Variants in ZNF185 observed in about 807,000 individuals in gnomAD.
ZNF185 encodes the protein zinc finger protein 185.
In ZNF185, 56 loss-of-function variants were observed where a neutral mutation model predicts 58.6. The ratio of observed to expected loss-of-function variants is 0.95; its 90% CI spans 0.77 to 1.19. The LOEUF (loss-of-function observed/expected upper bound fraction) is 1.19. Among genes scored for constraint, ZNF185 ranks in the 50% most tolerant of loss-of-function variants. The pLI is 0.00. For synonymous variants in ZNF185, 230 were observed against 215.9 expected (o/e 1.07, Z -0.57); for missense variants, 627 against 573.5 (o/e 1.09, Z -0.95).
chrX:152,969,526 C>T (rs1156768848), intron 21 of ZNF185, 42 bp downstream of exon 23: 1 of 1,044,414 alleles, frequency 9.6e-7, no homozygotes, highest in Non-Finnish European at 1.3e-6. Flanking sequence ...GGCGGTAACT[C>T]CTGATCACGT....
intron 17 of ZNF185, among the ~76,000 whole-genome samples, chrX:152,963,326 C>T (rs1430409436): frequency 1.8e-5 from 2 of 112,954 alleles, no homozygotes; most frequent in African/African-American, 3.2e-5. Context: ...GTCAGTTTCC[C>T]GCCTCTGCTG....
chrX:152,904,641 G>A, the ZNF185 span, among the ~76,000 whole-genome samples: 2 of 112,520 alleles, frequency 1.8e-5, no homozygotes, highest in Admixed American at 1.9e-4. Context: ...GAGAAAGGAC[G>A]GGGTGAGGGC....
chrX:152,954,030 C>T (rs918424529), intron 16 of ZNF185, among the ~76,000 whole-genome samples: 1 of 111,710 alleles, frequency 9.0e-6, no homozygotes, highest in Non-Finnish European at 1.9e-5. Flanking sequence ...TGTGAGCCAC[C>T]GTGCCCGACC....
intron 16 of ZNF185, among the ~76,000 whole-genome samples, chrX:152,950,168 T>G (rs1191980703): frequency 8.9e-6 from 1 of 112,422 alleles, no homozygotes; most frequent in African/African-American, 3.2e-5. Context: ...GGAATACTTG[T>G]TCTAACAAAA....
At chrX:152,927,360 C>G (rs1941057484) in intron 11 of ZNF185, among the ~76,000 whole-genome samples, 1 of 111,462 alleles carries the variant, frequency 9.0e-6, no homozygotes, top group African/African-American at 3.3e-5. Context: ...TTTGAGCACT[C>G]CAGGCCCTGG....
At chrX:152,963,842 G>T (rs782661285) in exon 18 of ZNF185, 1 of 1,209,859 alleles carries the variant, frequency 8.3e-7, no homozygotes, top group Non-Finnish European at 1.1e-6. Context: ...CTTTCAGGGT[G>T]AGGAGCCCCT....
chrX:152,963,703 T>G, intron 17 of ZNF185, 136 bp from the exon 20 acceptor site: 1 of 498,699 alleles, frequency 2.0e-6, no homozygotes, highest in Non-Finnish European at 3.2e-6. Flanking sequence ...ATCTGTAAAG[T>G]GAGAAGTTCC....
At chrX:152,907,626 C>G in the ZNF185 span, among the ~76,000 whole-genome samples, 3 of 113,171 alleles carry the variant, frequency 2.7e-5, no homozygotes, top group Admixed American at 9.3e-5. Flanking sequence ...TGCCTGGTGT[C>G]TGAGGTGGCC....
intron 15 of ZNF185, among the ~76,000 whole-genome samples, chrX:152,942,533 G>C (rs1466076352): frequency 1.8e-5 from 2 of 112,301 alleles, no homozygotes; most frequent in African/African-American, 6.5e-5. Flanking sequence ...CAGCACCAGA[G>C]GAATATCTCC....
chrX:152,949,734 G>A (rs1435637369), intron 16 of ZNF185, among the ~76,000 whole-genome samples: 2 of 111,840 alleles, frequency 1.8e-5, no homozygotes, highest in African/African-American at 3.3e-5. Context: ...AGAGATGTAG[G>A]CAACGATAGT....
At chrX:152,942,715 G>A (rs12556921) in intron 15 of ZNF185, among the ~76,000 whole-genome samples, 26,068 of 111,033 alleles carry the variant, frequency 0.23, 2,315 homozygotes, top group South Asian at 0.39. Flanking sequence ...TGGGCTTCTC[G>A]TTTATATTTT....
intron 20 of ZNF185, among the ~76,000 whole-genome samples, chrX:152,967,883 T>C (rs1237549190): frequency 8.9e-6 from 1 of 111,873 alleles, no homozygotes; most frequent in East Asian, 2.8e-4. Context: ...ATGGAATAAA[T>C]AGCCTTCAGT....
At chrX:152,906,600 T>C in the ZNF185 span, among the ~76,000 whole-genome samples, 8 of 112,854 alleles carry the variant, frequency 7.1e-5, no homozygotes, top group Non-Finnish European at 1.3e-4. Context: ...TGTCCAGCTG[T>C]TTCTTTATGC....
At chrX:152,908,570 T>C in the ZNF185 span, among the ~76,000 whole-genome samples, 1 of 112,259 alleles carries the variant, frequency 8.9e-6, no homozygotes, top group Non-Finnish European at 1.9e-5. Flanking sequence ...TGTGGCTGCA[T>C]CAGGCCGAGC....
rs2046394286 is a variant in ZNF185, at chrX:152,937,124, C to CA, written c.1122-950_1122-949insA. Among the ~76,000 whole-genome samples, 2 of 111,802 alleles carry CA rather than the reference C, an allele frequency of 1.8e-5. 1 individual carries two copies. The highest frequency in any genetic ancestry group is 1.9e-4 in the Admixed American group (2 of 10,604). ...AACGATCTTTCTTAACTCCCATAAACCCTACAGAGGTGTAGGTCAGGTAAG... is the reference window on the plus strand; with the variant it reads ...AACGATCTTTCTTAACTCCCATAAACACCTACAGAGGTGTAGGTCAGGTAAG... On this transcript the variant is annotated intron_variant, in intron 14 of 22. Transcript: ENST00000449285.
chrX:152,918,266 C>A, intron 6 of ZNF185, 112 bp downstream of exon 7: 1 of 904,896 alleles, frequency 1.1e-6, no homozygotes, highest in Non-Finnish European at 1.6e-6. Context: ...CCCGGGAAGT[C>A]CCGCCTGCCT....
the ZNF185 span, among the ~76,000 whole-genome samples, chrX:152,907,020 T>G: frequency 8.6e-4 from 96 of 111,064 alleles, no homozygotes; most frequent in African/African-American, 2.8e-3. Context: ...CCTAATCCCC[T>G]GCGAGCCAGC....
In ZNF185 at chrX:152,924,793, T is replaced by C. The variant is rs187269843; in HGVS notation, c.830+1984T>C. On this transcript the variant is annotated intron_variant, in intron 11 of 22. Coordinates refer to ENST00000449285, the Ensembl canonical transcript of ZNF185. The stretch of plus-strand genomic sequence containing the variant: ...TCCGCCTCCCGGGTTCAAGCGATTC[T>C]TCTGCCTCAGCCTCCCGAGTAGCTG... Among the ~76,000 whole-genome samples, 409 of 112,296 alleles carry C rather than the reference T, an allele frequency of 3.6e-3. 3 individuals are homozygous for C. The highest frequency in any genetic ancestry group is 0.012 in the African/African-American group (371 of 30,942).
the ZNF185 span, among the ~76,000 whole-genome samples, chrX:152,900,661 C>T: frequency 8.9e-6 from 1 of 112,862 alleles, no homozygotes; most frequent in Non-Finnish European, 1.9e-5. Context: ...GGGGACCAGT[C>T]CCTGAGAGAT....
Sources: gnomAD v4.1 joint callset for allele counts (sites outside exome capture counted in the v4.1 genomes callset) on GRCh38, gnomAD v4.1.1 for gene constraint, MANE v1.5 for transcripts, NCBI Gene and HGNC (gene_info 2026-07-23, HGNC 2026-07-21) for gene names.